The following PLXDC2 variants were observed in gnomAD, a reference collection of about 807,000 sequenced individuals.
The protein encoded by PLXDC2 is plexin domain containing 2.
Under a neutral mutation model 68.9 loss-of-function variants are expected in PLXDC2, and 40 were observed. The ratio of observed to expected loss-of-function variants is 0.58; its 90% CI spans 0.45 to 0.76. The LOEUF is 0.76. Ranked by LOEUF, PLXDC2 falls within the 30% of genes least tolerant of loss-of-function variation. The pLI is 0.00. For synonymous variants in PLXDC2, 243 were observed against 234.2 expected, an observed-to-expected ratio of 1.04 and a Z score of -0.34; for missense variants, 644 against 661.9, an observed-to-expected ratio of 0.97 and a Z score of 0.30.
At chr10:20,146,487 T>TC (rs1834081143) in intron 5 of PLXDC2, among the ~76,000 whole-genome samples, 5 of 40,400 alleles carry the variant, frequency 1.2e-4, no homozygotes, top group Non-Finnish European at 2.2e-4. Flanking sequence ...TTTCTTTTCT[T>TC]TTTCCTTCCT....
chr10:20,065,115 G>C (rs994255364), intron 3 of PLXDC2, among the ~76,000 whole-genome samples: 1 of 152,102 alleles, frequency 6.6e-6, no homozygotes, highest in Non-Finnish European at 1.5e-5. Context: ...GGCTTTAGGG[G>C]TAATCCAAAC....
intron 9 of PLXDC2, among the ~76,000 whole-genome samples, chr10:20,182,133 A>G (rs1834614294): frequency 6.6e-6 from 1 of 151,118 alleles, no homozygotes; most frequent in African/African-American, 2.4e-5. Context: ...ATTTACATAT[A>G]ATAAAATACA....
chr10:19,927,713 CAA>C (rs35250324), intron 1 of PLXDC2, among the ~76,000 whole-genome samples: 98 of 53,150 alleles, frequency 1.8e-3, no homozygotes, highest in South Asian at 3.4e-3. Flanking sequence ...GGAAAAAAAG[CAA>C]AAAAAAAAAA....
rs1019410544 is a variant in PLXDC2, at chr10:20,032,240, G to A, written c.325-14629G>A. ...AGACTAAGGGAGGATTATTTCAGAGGCATGAAACAGCAGGTGCAATGTATG... is the reference window on the plus strand; with the variant it reads ...AGACTAAGGGAGGATTATTTCAGAGACATGAAACAGCAGGTGCAATGTATG... On this transcript the variant is annotated intron_variant, in intron 2 of 13. Transcript: ENST00000377252. Among the ~76,000 whole-genome samples, 8 of 152,296 alleles carry A rather than the reference G, an allele frequency of 5.3e-5. No individual in the cohort carries two copies. In the South Asian group the frequency reaches 1.7e-3, roughly 32 times the overall value.
intron 13 of PLXDC2, among the ~76,000 whole-genome samples, chr10:20,249,022 T>C (rs544748957): frequency 2.0e-5 from 3 of 152,020 alleles, no homozygotes; most frequent in Admixed American, 2.0e-4. Context: ...AATAGTTTAA[T>C]TTATTTTCTT....
intron 3 of PLXDC2, among the ~76,000 whole-genome samples, chr10:20,067,765 TG>T (rs1393359657): frequency 2.0e-5 from 3 of 152,140 alleles, no homozygotes; most frequent in East Asian, 1.9e-4. Context: ...CTTTTCATTA[TG>T]GGATGTATAG....
chr10:20,058,559 AATAATAATT>A (rs1836043096), intron 3 of PLXDC2, among the ~76,000 whole-genome samples: 2 of 152,224 alleles, frequency 1.3e-5, no homozygotes. Context: ...TTACATCGAT[AATAATAATT>A]ATTATGCAAA....
intron 12 of PLXDC2, among the ~76,000 whole-genome samples, chr10:20,220,771 C>T (rs1449145420): frequency 6.6e-6 from 1 of 151,696 alleles, no homozygotes. Context: ...GAACATGCAT[C>T]CTGAGTAATC....
Position 20,281,206 on chromosome 10 carries a change from T to C in PLXDC2, c.*1387T>C, listed in dbSNP as rs1005488415. Reference sequence around the variant, plus strand: ...GCAGAAAGCTCCTTAAATGGAGATATCGATTGCCTTGGAATCACAATCCTG... The same window carrying C: ...GCAGAAAGCTCCTTAAATGGAGATACCGATTGCCTTGGAATCACAATCCTG... On this transcript the variant is annotated 3_prime_UTR_variant, in exon 14 of 14. Coordinates refer to ENST00000377252, the MANE Select transcript of PLXDC2 (RefSeq NM_032812.9). 1.3e-5 allele frequency: 2 copies of C among 152,170 alleles called. No homozygotes were observed. The highest frequency in any genetic ancestry group is 2.4e-5 in the African/African-American group (1 of 41,454). The allele number at this position is 152,170 out of a possible 1,614,324, so 9.4% of individuals were successfully genotyped here. A position where few individuals can be genotyped will look rare whatever the true frequency, so the allele number is the denominator to read the frequency against.
intron 4 of PLXDC2, among the ~76,000 whole-genome samples, chr10:20,069,141 A>G (rs1277558438): frequency 6.6e-6 from 1 of 152,042 alleles, no homozygotes; most frequent in Non-Finnish European, 1.5e-5. Context: ...TGGTGTGGAG[A>G]CCATGTTAAG....
intron 1 of PLXDC2, among the ~76,000 whole-genome samples, chr10:19,851,517 C>T (rs113900875): frequency 6.6e-6 from 1 of 152,038 alleles, no homozygotes; most frequent in Admixed American, 6.6e-5. Context: ...GTAACCCACA[C>T]TTTCCTTCAG....
At chr10:19,846,777 G>A (rs1488223722) in intron 1 of PLXDC2, among the ~76,000 whole-genome samples, 6 of 152,138 alleles carry the variant, frequency 3.9e-5, no homozygotes, top group African/African-American at 9.7e-5. Context: ...CATCTCAGAC[G>A]TGTGACAAGC....
chr10:20,066,830 A>T (rs6482084), intron 3 of PLXDC2, among the ~76,000 whole-genome samples: 66,039 of 152,022 alleles, frequency 0.43, 17,853 homozygotes, highest in African/African-American at 0.75. Context: ...TTTCTACATT[A>T]AAAATTTGTG....
intron 1 of PLXDC2, among the ~76,000 whole-genome samples, chr10:19,826,914 G>T (rs1195617982): frequency 2.0e-5 from 3 of 152,164 alleles, no homozygotes; most frequent in Non-Finnish European, 2.9e-5. Context: ...AGACTGAGTT[G>T]TGTAATAAAT....
chr10:20,044,286 TTTCTTTC>T (rs1835757380), intron 2 of PLXDC2, among the ~76,000 whole-genome samples: 1 of 117,530 alleles, frequency 8.5e-6, no homozygotes, highest in East Asian at 2.8e-4. Context: ...TCTTTCTTTC[TTTCTTTC>T]TTCTTTCTCT....
At chr10:19,935,447 TAGAG>T (rs1219732840) in intron 1 of PLXDC2, among the ~76,000 whole-genome samples, 2 of 152,176 alleles carry the variant, frequency 1.3e-5, no homozygotes, top group Non-Finnish European at 2.9e-5. Context: ...CCTTTCATCT[TAGAG>T]AGAAATATGG....
chr10:20,281,674 G>T lies in PLXDC2; in HGVS notation c.*1855G>T, dbSNP rs1836083798. The T allele has an allele frequency of 6.6e-6, 1 of 152,096 alleles. No individual in the cohort carries two copies. The highest frequency in any genetic ancestry group is 2.4e-5 in the African/African-American group (1 of 41,434). The allele number at this position is 152,096 out of a possible 1,614,324, so 9.4% of individuals were successfully genotyped here. A position where few individuals can be genotyped will look rare whatever the true frequency, so the allele number is the denominator to read the frequency against. On this transcript the variant is annotated 3_prime_UTR_variant, in exon 14 of 14. Transcript: ENST00000377252. ...ATTAAAAAAAATTTTGAAAAGCAAGGTGATTGAAGGATTGTGATGACAATC... is the reference window on the plus strand; with the variant it reads ...ATTAAAAAAAATTTTGAAAAGCAAGTTGATTGAAGGATTGTGATGACAATC...
intron 12 of PLXDC2, among the ~76,000 whole-genome samples, chr10:20,222,434 A>G (rs1251760481): frequency 1.3e-5 from 2 of 152,214 alleles, no homozygotes; most frequent in Admixed American, 1.3e-4. Context: ...CTCTTGATGA[A>G]TCTTCAATTG....
intron 1 of PLXDC2, among the ~76,000 whole-genome samples, chr10:19,938,967 A>G (rs1400120580): frequency 2.0e-5 from 3 of 152,234 alleles, no homozygotes; most frequent in South Asian, 4.1e-4. Context: ...ATGGATGACA[A>G]GGATAGAGTG....
Sources: allele counts gnomAD v4.1 joint callset (sites outside exome capture counted in the v4.1 genomes callset), GRCh38; gene constraint gnomAD v4.1.1; transcripts MANE v1.5; gene names NCBI Gene and HGNC (gene_info 2026-07-23, HGNC 2026-07-21).